Variants in TSGA10 observed in about 807,000 individuals in gnomAD.
TSGA10 encodes testis specific 10.
In TSGA10, 43 loss-of-function variants were observed where a neutral mutation model predicts 96.6. That is an observed-to-expected ratio of 0.44 (90% CI 0.35 to 0.57). The LOEUF is 0.57. Ranked by LOEUF, TSGA10 falls within the 20% of genes least tolerant of loss-of-function variation. The probability of loss-of-function intolerance (pLI) is 0.01; values close to 1 mark genes in which losing one functional copy is unlikely to be tolerated. For synonymous variants in TSGA10, 229 were observed against 269.9 expected (o/e 0.85, Z 1.48); for missense variants, 703 against 834.4 (o/e 0.84, Z 1.94).
At chr2:99,117,814 G>T (rs2104916077) in intron 3 of TSGA10, 55 bp from the exon 4 acceptor site, 1 of 880,432 alleles carries the variant, frequency 1.1e-6, no homozygotes, top group African/African-American at 1.8e-5. Flanking sequence ...TTTTTTCTGG[G>T]GAGCAGCTGT....
At chr2:99,002,861 AC>A (rs1172702695) in intron 20 of TSGA10, among the ~76,000 whole-genome samples, 1 of 150,958 alleles carries the variant, frequency 6.6e-6, no homozygotes, top group Non-Finnish European at 1.5e-5. Context: ...GATAAAACAA[AC>A]TTTTTTTTTT....
At chr2:99,051,615 T>C (rs1573871706) in intron 16 of TSGA10, among the ~76,000 whole-genome samples, 1 of 152,100 alleles carries the variant, frequency 6.6e-6, no homozygotes, top group East Asian at 1.9e-4. Context: ...TTAAACAACA[T>C]TATAAACCAA....
At chr2:99,009,567 G>A (rs1187166732) in intron 20 of TSGA10, among the ~76,000 whole-genome samples, 4 of 84,792 alleles carry the variant, frequency 4.7e-5, no homozygotes, top group Admixed American at 3.7e-4. Flanking sequence ...GCGAGACCCT[G>A]TCTCAAAAAA....
chr2:99,121,303 G>C (rs189242631), intron 2 of TSGA10, among the ~76,000 whole-genome samples: 2 of 152,052 alleles, frequency 1.3e-5, no homozygotes, highest in East Asian at 3.9e-4. Context: ...GAGTGATCCA[G>C]TTTCTCCTCA....
At chr2:99,053,728 T>A (rs2083655773) in intron 16 of TSGA10, among the ~76,000 whole-genome samples, 2 of 152,106 alleles carry the variant, frequency 1.3e-5, no homozygotes, top group Admixed American at 6.6e-5. Flanking sequence ...AATTTTAGGA[T>A]ACAAAATCAA....
intron 16 of TSGA10, among the ~76,000 whole-genome samples, chr2:99,035,861 T>G (rs962585931): frequency 3.9e-5 from 6 of 152,156 alleles, no homozygotes; most frequent in Admixed American, 6.5e-5. Flanking sequence ...CATCTGTTTT[T>G]GAATTCTTGA....
chr2:99,017,483 G>A (rs997872004), intron 20 of TSGA10, among the ~76,000 whole-genome samples: 4 of 152,158 alleles, frequency 2.6e-5, no homozygotes, highest in African/African-American at 9.7e-5. Flanking sequence ...ATGATACATT[G>A]GGCCGGGCGC....
At chr2:99,011,610 G>A (rs12477754) in intron 20 of TSGA10, among the ~76,000 whole-genome samples, 53,279 of 151,946 alleles carry the variant, frequency 0.35, 10,673 homozygotes, top group African/African-American at 0.55. Context: ...GAATAATTGA[G>A]GAAAGCCTCC....
chr2:99,138,347 A>G (rs1458112013), intron 1 of TSGA10, among the ~76,000 whole-genome samples: 1 of 152,220 alleles, frequency 6.6e-6, no homozygotes, highest in Admixed American at 6.5e-5. Context: ...ACTTGAAATT[A>G]TATCATTTGC....
chr2:99,075,291 A>G (rs999763550), intron 12 of TSGA10, among the ~76,000 whole-genome samples: 4 of 152,204 alleles, frequency 2.6e-5, no homozygotes, highest in African/African-American at 9.6e-5. Flanking sequence ...ATGTTGTCCA[A>G]CTAGGGATGT....
intron 15 of TSGA10, among the ~76,000 whole-genome samples, chr2:99,067,686 C>T (rs2085421554): frequency 6.6e-6 from 1 of 152,002 alleles, no homozygotes; most frequent in African/African-American, 2.4e-5. Flanking sequence ...AACCCCGTCT[C>T]TACTAAAAAT....
chr2:99,065,578 T>G (rs927422900), intron 15 of TSGA10, among the ~76,000 whole-genome samples: 2 of 152,198 alleles, frequency 1.3e-5, no homozygotes, highest in African/African-American at 2.4e-5. Flanking sequence ...TACTTGCATA[T>G]TTTAAATGTC....
chr2:98,997,987 A>C lies in TSGA10; in HGVS notation c.*210T>G. 1 of 491,974 alleles carries C rather than the reference A, an allele frequency of 2.0e-6. No individual in the cohort carries two copies. Among genetic ancestry groups the C allele is most frequent in the Non-Finnish European group, 3.6e-6 (1 of 279,598 alleles). The allele number at this position is 491,974 out of a possible 1,614,324, so 30.5% of individuals were successfully genotyped here. On this transcript the variant is annotated 3_prime_UTR_variant, in exon 21 of 21. Transcript: ENST00000393483. ...TTTTACACTCACTATCACTGCATGG[A>C]TAGAAAGAGCCATATACATTTTTGT...
At chr2:99,020,772 C>T (rs1316840935) in intron 17 of TSGA10, among the ~76,000 whole-genome samples, 1 of 146,612 alleles carries the variant, frequency 6.8e-6, no homozygotes, top group Non-Finnish European at 1.5e-5. Context: ...TCTTTATATA[C>T]TCCTGCAAGA....
chr2:99,034,269 G>A (rs1368247607), intron 17 of TSGA10, among the ~76,000 whole-genome samples: 1 of 151,964 alleles, frequency 6.6e-6, no homozygotes, highest in Non-Finnish European at 1.5e-5. Context: ...AGGTGTGGTG[G>A]CGGGCACCTG....
chr2:99,121,624 A>AC (rs2092577315), intron 2 of TSGA10, among the ~76,000 whole-genome samples: 1 of 92,116 alleles, frequency 1.1e-5, no homozygotes, highest in Admixed American at 1.2e-4. Flanking sequence ...GGCATGCACC[A>AC]CCTGCCTAGA....
At chr2:99,139,771 G>A (rs1384630450) in intron 1 of TSGA10, among the ~76,000 whole-genome samples, 1 of 152,148 alleles carries the variant, frequency 6.6e-6, no homozygotes, top group East Asian at 1.9e-4. Context: ...AATTCCATTC[G>A]AAGTTCAAAA....
At chr2:99,024,834 T>G (rs2080411837) in intron 17 of TSGA10, among the ~76,000 whole-genome samples, 2 of 152,146 alleles carry the variant, frequency 1.3e-5, no homozygotes, top group African/African-American at 4.8e-5. Context: ...GTTTATAGAG[T>G]GTTTTTATCA....
At chr2:99,079,458 C>A (rs937816873) in intron 11 of TSGA10, among the ~76,000 whole-genome samples, 100 of 152,264 alleles carry the variant, frequency 6.6e-4, no homozygotes, top group Middle Eastern at 6.8e-3. Flanking sequence ...ATCAGCATCA[C>A]CTGGGAAATG....
Sources: gnomAD v4.1 joint callset for allele counts (sites outside exome capture counted in the v4.1 genomes callset) on GRCh38, gnomAD v4.1.1 for gene constraint, MANE v1.5 for transcripts, NCBI Gene and HGNC (gene_info 2026-07-23, HGNC 2026-07-21) for gene names.